The following SLC39A11 variants were observed in gnomAD, a reference collection of about 807,000 sequenced individuals.
The protein encoded by SLC39A11 is zinc transporter ZIP11.
A neutral mutation model predicts 36.1 loss-of-function variants in SLC39A11; 33 were observed. The observed-to-expected ratio is 0.91, with a 90% CI of 0.69 to 1.22. The LOEUF (loss-of-function observed/expected upper bound fraction) is 1.22. SLC39A11 is among the 50% of genes most tolerant of loss of function. The pLI is 0.00. For synonymous variants in SLC39A11, 166 were observed against 170.3 expected (o/e 0.97, Z 0.20); for missense variants, 432 against 430.3 (o/e 1.00, Z -0.03).
In SLC39A11 at chr17:73,034,184, C is replaced by T. The variant is rs993616570; in HGVS notation, c.148-2470G>A. On this transcript the variant is annotated intron_variant, in intron 3 of 9. Transcript: ENST00000255559. ...CTGCCCTGCATGGTAAACTCCCCAT[C>T]GAAGAGGACCTGCAACAAGACACAG... Among the ~76,000 whole-genome samples the T allele has an allele frequency of 5.9e-5, 9 of 152,312 alleles. 1 individual carries two copies. Among genetic ancestry groups the T allele is most frequent in the Admixed American group, 2.6e-4 (4 of 15,306 alleles).
chr17:72,872,089 C>G (rs937384746), intron 5 of SLC39A11, among the ~76,000 whole-genome samples: 3 of 152,160 alleles, frequency 2.0e-5, no homozygotes, highest in African/African-American at 7.2e-5. Context: ...AATGATTTTT[C>G]CTATACAAGA....
chr17:72,845,831 C>G (rs1259112996), intron 6 of SLC39A11, among the ~76,000 whole-genome samples: 1 of 152,156 alleles, frequency 6.6e-6, no homozygotes, highest in African/African-American at 2.4e-5. Context: ...AAACCAGTGA[C>G]TATTACCACC....
At chr17:72,890,129 G>C (rs757198783) in intron 5 of SLC39A11, among the ~76,000 whole-genome samples, 1 of 152,108 alleles carries the variant, frequency 6.6e-6, no homozygotes, top group Non-Finnish European at 1.5e-5. Context: ...GCTGGGCATG[G>C]TGGCAGGTGC....
chr17:72,672,644 C>G (rs4793300), intron 7 of SLC39A11, among the ~76,000 whole-genome samples: 115,816 of 152,118 alleles, frequency 0.76, 44,424 homozygotes, highest in Admixed American at 0.8. Flanking sequence ...TTGTCATCCA[C>G]GCTGGAGTAC....
intron 6 of SLC39A11, among the ~76,000 whole-genome samples, chr17:72,803,413 G>C (rs2077158113): frequency 2.0e-5 from 3 of 152,246 alleles, no homozygotes; most frequent in African/African-American, 7.2e-5. Flanking sequence ...TCTGCACGTG[G>C]TTCAAAGGCA....
At chr17:73,008,242 G>C (rs1376865219) in intron 4 of SLC39A11, among the ~76,000 whole-genome samples, 1 of 142,278 alleles carries the variant, frequency 7.0e-6, no homozygotes, top group Non-Finnish European at 1.5e-5. Context: ...CAATCCTCCA[G>C]CCTCACAGCA....
chr17:73,010,135 T>C lies in SLC39A11; in HGVS notation c.306+21421A>G, dbSNP rs2090432044. On this transcript the variant is annotated intron_variant, in intron 4 of 9. Coordinates refer to ENST00000255559, the MANE Select transcript of SLC39A11 (RefSeq NM_139177.4). Reference sequence around the variant, plus strand: ...AGGGAGCATCTAAGTCCCCTGGAGATCTAGTTCAAAATGCAGGTGCCTGGG... The same window carrying C: ...AGGGAGCATCTAAGTCCCCTGGAGACCTAGTTCAAAATGCAGGTGCCTGGG... 2.6e-5 allele frequency among the ~76,000 whole-genome samples: 4 copies of C among 152,104 alleles called. No homozygotes were observed. The South Asian group carries it at 8.3e-4, about 32-fold the overall frequency.
At chr17:72,924,133 G>A (rs1217152135) in intron 5 of SLC39A11, among the ~76,000 whole-genome samples, 8 of 141,354 alleles carry the variant, frequency 5.7e-5, no homozygotes, top group Non-Finnish European at 1.2e-4. Context: ...GTGACAGAGT[G>A]AGACCCCGTC....
intron 5 of SLC39A11, among the ~76,000 whole-genome samples, chr17:72,904,949 G>C (rs1005039397): frequency 6.6e-6 from 1 of 151,824 alleles, no homozygotes; most frequent in African/African-American, 2.4e-5. Context: ...CGAGGCAGGC[G>C]GATCACGAGG....
chr17:72,695,403 C>A (rs779935751), intron 7 of SLC39A11, among the ~76,000 whole-genome samples: 1 of 152,230 alleles, frequency 6.6e-6, no homozygotes, highest in Non-Finnish European at 1.5e-5. Context: ...GGATTCTGTG[C>A]CTAAAACAGG....
chr17:72,824,482 C>T (rs542023353), intron 6 of SLC39A11, among the ~76,000 whole-genome samples: 1 of 151,130 alleles, frequency 6.6e-6, no homozygotes, highest in Non-Finnish European at 1.5e-5. Flanking sequence ...GGAGTGGGGA[C>T]ATTACTATAA....
At chr17:72,691,355 A>G (rs988027964) in intron 7 of SLC39A11, among the ~76,000 whole-genome samples, 1 of 151,748 alleles carries the variant, frequency 6.6e-6, no homozygotes, top group Non-Finnish European at 1.5e-5. Context: ...ACCCGGCCTT[A>G]CCCTTGGTCC....
chr17:72,694,494 T>C (rs564239375), intron 7 of SLC39A11, among the ~76,000 whole-genome samples: 1 of 152,336 alleles, frequency 6.6e-6, no homozygotes, highest in Non-Finnish European at 1.5e-5. Context: ...CTCGCCACTG[T>C]GCAGCTGTCT....
chr17:72,686,401 A>T (rs1471524021), intron 7 of SLC39A11, among the ~76,000 whole-genome samples: 1 of 152,130 alleles, frequency 6.6e-6, no homozygotes, highest in African/African-American at 2.4e-5. Flanking sequence ...ACTTTCAAAC[A>T]GTGCCTGATT....
At chr17:73,072,917 C>T (rs746451137) in intron 3 of SLC39A11, among the ~76,000 whole-genome samples, 4 of 152,274 alleles carry the variant, frequency 2.6e-5, no homozygotes, top group Non-Finnish European at 5.9e-5. Context: ...CAGTGGCCCA[C>T]GCCTGTAATC....
intron 5 of SLC39A11, among the ~76,000 whole-genome samples, chr17:72,929,655 A>G (rs1311285407): frequency 6.6e-6 from 1 of 152,154 alleles, no homozygotes. Flanking sequence ...TTTTTCTTAA[A>G]GGGAGAAAAA....
chr17:73,000,031 C>T lies in SLC39A11; in HGVS notation c.306+31525G>A, dbSNP rs546789491. On this transcript the variant is annotated intron_variant, in intron 4 of 9. Coordinates refer to ENST00000255559, the MANE Select transcript of SLC39A11 (RefSeq NM_139177.4). The stretch of plus-strand genomic sequence containing the variant: ...TGCTGGGATTACAGGCCTGAGCCAC[C>T]ACCACACCTGGCCGGTATCCTGTAT... Among the ~76,000 whole-genome samples the T allele has an allele frequency of 2.4e-4, 36 of 152,312 alleles. No individual in the cohort carries two copies. The South Asian group carries it at 6.0e-3, about 25-fold the overall frequency.
intron 4 of SLC39A11, among the ~76,000 whole-genome samples, chr17:72,972,870 C>A (rs899900140): frequency 6.6e-6 from 1 of 152,100 alleles, no homozygotes; most frequent in Admixed American, 6.6e-5. Context: ...TTTGGCCAAC[C>A]CTCCTGTTGG....
chr17:72,893,308 A>G (rs188481765), intron 5 of SLC39A11, among the ~76,000 whole-genome samples: 65 of 152,242 alleles, frequency 4.3e-4, no homozygotes, highest in African/African-American at 1.5e-3. Context: ...TAAAAATACA[A>G]AAATTAGCCA....
Sources: allele counts gnomAD v4.1 joint callset (sites outside exome capture counted in the v4.1 genomes callset), GRCh38; gene constraint gnomAD v4.1.1; transcripts MANE v1.5; gene names NCBI Gene and HGNC (gene_info 2026-07-23, HGNC 2026-07-21).